Variants in RASA1 observed in about 807,000 individuals in gnomAD.
The protein encoded by RASA1 is ras GTPase-activating protein 1.
RASA1 carries 25 observed loss-of-function variants against 132.2 expected under a neutral mutation model. The ratio of observed to expected loss-of-function variants is 0.19; its 90% CI spans 0.14 to 0.26. RASA1 has a LOEUF of 0.26. Ranked by LOEUF, RASA1 falls within the 10% of genes least tolerant of loss-of-function variation. The probability of loss-of-function intolerance (pLI) is 1.00; values close to 1 mark genes in which losing one functional copy is unlikely to be tolerated. For missense variants in RASA1, 964 were observed against 1,299.2 expected (o/e 0.74, Z 3.97); for synonymous variants, 477 against 449.9 (o/e 1.06, Z -0.76).
intron 13 of RASA1, among the ~76,000 whole-genome samples, chr5:87,372,521 GATC>G (rs1341579591): frequency 1.3e-5 from 2 of 152,234 alleles, no homozygotes; most frequent in African/African-American, 2.4e-5. Context: ...ACATTGAAAA[GATC>G]ATCAGATTTA....
At chr5:87,378,898 G>A (rs1462360400) in intron 18 of RASA1, among the ~76,000 whole-genome samples, 1 of 151,982 alleles carries the variant, frequency 6.6e-6, no homozygotes, top group Non-Finnish European at 1.5e-5. Context: ...ATTACATCTT[G>A]GTTTGTTCTT....
chr5:87,307,680 T>A (rs1191489777), intron 1 of RASA1, among the ~76,000 whole-genome samples: 1 of 152,244 alleles, frequency 6.6e-6, no homozygotes, highest in Admixed American at 6.5e-5. Flanking sequence ...GGTCTGACAT[T>A]GATAATTTGT....
In RASA1 at chr5:87,386,965, C is replaced by G; in HGVS notation, c.2925+62C>G. The G allele has an allele frequency of 5.1e-6, 7 of 1,384,952 alleles. No individual in the cohort carries two copies. The South Asian group carries it at 8.4e-5, about 17-fold the overall frequency. 85.8% of individuals were successfully genotyped at this position (1,384,952 alleles called of 1,614,324 possible). On this transcript the variant is annotated intron_variant, in intron 23 of 24. Coordinates refer to ENST00000274376, the MANE Select transcript of RASA1 (RefSeq NM_002890.3). ...TCTAGTTGATATAGCTGAGTTAACC[C>G]ATTTAAGCAGCAATCTTTAGAAAGA... is the stretch of plus-strand genomic sequence containing the variant.
At chr5:87,314,992 T>C (rs545292049) in intron 1 of RASA1, among the ~76,000 whole-genome samples, 1 of 152,326 alleles carries the variant, frequency 6.6e-6, no homozygotes, top group East Asian at 1.9e-4. Flanking sequence ...TATTACACCT[T>C]TTTGAGGGCA....
chr5:87,277,949 A>G (rs1388410423), intron 1 of RASA1, among the ~76,000 whole-genome samples: 2 of 152,102 alleles, frequency 1.3e-5, no homozygotes, highest in Non-Finnish European at 2.9e-5. Flanking sequence ...GGAATATCCT[A>G]TGGATAAGCT....
At chr5:87,343,191 T>C (rs1243126482) in intron 6 of RASA1, among the ~76,000 whole-genome samples, 1 of 152,202 alleles carries the variant, frequency 6.6e-6, no homozygotes, top group African/African-American at 2.4e-5. Context: ...GTTGAATTTC[T>C]TTCCAGCTCC....
intron 8 of RASA1, among the ~76,000 whole-genome samples, chr5:87,350,466 T>C (rs781474625): frequency 6.6e-6 from 1 of 151,982 alleles, no homozygotes; most frequent in South Asian, 2.1e-4. Context: ...AATGTCCATA[T>C]TGAGATCCTT....
At chr5:87,355,532 A>C (rs1164598660) in intron 9 of RASA1, among the ~76,000 whole-genome samples, 1 of 152,122 alleles carries the variant, frequency 6.6e-6, no homozygotes, top group Non-Finnish European at 1.5e-5. Context: ...CTGACAATGC[A>C]CCTCTACAAT....
At chr5:87,388,641 G>C (rs1762235928) in intron 23 of RASA1, among the ~76,000 whole-genome samples, 1 of 152,126 alleles carries the variant, frequency 6.6e-6, no homozygotes, top group Non-Finnish European at 1.5e-5. Flanking sequence ...AACCTTATCT[G>C]AAAGTACCAT....
At chr5:87,367,318 TTTC>T (rs1359964837) in intron 11 of RASA1, among the ~76,000 whole-genome samples, 1 of 151,944 alleles carries the variant, frequency 6.6e-6, no homozygotes, top group Non-Finnish European at 1.5e-5. Flanking sequence ...TTAATATCTT[TTTC>T]TTTATTATCA....
At chr5:87,372,426 C>T (rs1327292106) in intron 13 of RASA1, among the ~76,000 whole-genome samples, 1 of 152,136 alleles carries the variant, frequency 6.6e-6, no homozygotes, top group Non-Finnish European at 1.5e-5. Flanking sequence ...TAAATAACAA[C>T]ACTAAACCAA....
chr5:87,372,780 A>G (rs952836382), intron 13 of RASA1, among the ~76,000 whole-genome samples: 6 of 152,092 alleles, frequency 3.9e-5, no homozygotes, highest in African/African-American at 1.4e-4. Context: ...AAGTTAGGCA[A>G]ATTTTGACAT....
chr5:87,378,511 G>T lies in RASA1; in HGVS notation c.2460G>T (p.Lys820Asn), dbSNP rs1483075502. Residue 820 changes from lysine (K) to asparagine (N), a missense_variant, in exon 18 of 25, where the codon AAG (lysine) becomes AAT (asparagine). By Grantham distance (94) the Lys-to-Asn change is moderately conservative. This residue lies in a region of RASA1 where 346 missense variants were observed against 520.1 expected (regional missense o/e 0.67). Coordinates refer to ENST00000274376, the MANE Select transcript of RASA1 (RefSeq NM_002890.3). Reference sequence around the variant, plus strand: ...ATGCTTTGAAAGACTCTATTTTAAAGATAATGGAAAGCAAGCAGTCTTGTG... The same window carrying T: ...ATGCTTTGAAAGACTCTATTTTAAATATAATGGAAAGCAAGCAGTCTTGTG... Reference protein sequence around the residue: ...VHHALKDSILKIMESKQSCEL... With the variant: ...VHHALKDSILNIMESKQSCEL... The T allele has an allele frequency of 6.2e-7, 1 of 1,611,664 alleles. No homozygotes were observed. Among genetic ancestry groups the T allele is most frequent in the East Asian group, 2.2e-5 (1 of 44,790 alleles).
intron 11 of RASA1, among the ~76,000 whole-genome samples, chr5:87,364,694 T>C (rs1396356438): frequency 6.6e-6 from 1 of 152,088 alleles, no homozygotes; most frequent in Non-Finnish European, 1.5e-5. Flanking sequence ...GCACCCTTCT[T>C]GTGGGTTGAA....
chr5:87,353,287 T>C (rs111468092), intron 9 of RASA1, 52 bp downstream of exon 9: 1 of 1,395,804 alleles, frequency 7.2e-7, no homozygotes. Flanking sequence ...TTAAAATGCA[T>C]TTTGGTGGTA....
chr5:87,275,797 C>T (rs1483506929), intron 1 of RASA1, among the ~76,000 whole-genome samples: 1 of 152,180 alleles, frequency 6.6e-6, no homozygotes, highest in Non-Finnish European at 1.5e-5. Context: ...TCTCGAACTC[C>T]TGACCTCGTG....
At chr5:87,363,941 A>G (rs551128180) in intron 11 of RASA1, among the ~76,000 whole-genome samples, 3 of 152,204 alleles carry the variant, frequency 2.0e-5, no homozygotes, top group South Asian at 2.1e-4. Flanking sequence ...ATGTATTTGA[A>G]ATTAAAAAAA....
In RASA1 at chr5:87,308,050, C is replaced by T. The variant is rs560961514; in HGVS notation, c.540-23298C>T. ...TGTAGCTTCACAATTCAGTAGATAT[C>T]GCTGGAGGGAAATAGTTAAGCCTGT... On this transcript the variant is annotated intron_variant, in intron 1 of 24. Transcript: ENST00000274376. Among the ~76,000 whole-genome samples the T allele has an allele frequency of 1.4e-4, 22 of 152,158 alleles. No homozygotes were observed. In the East Asian group the frequency reaches 1.7e-3, roughly 12 times the overall value.
intron 1 of RASA1, among the ~76,000 whole-genome samples, chr5:87,315,173 G>A (rs1756231153): frequency 6.6e-6 from 1 of 152,176 alleles, no homozygotes; most frequent in South Asian, 2.1e-4. Context: ...TTCAGTCTTA[G>A]TCCATTTTCT....
Sources: gnomAD v4.1 joint callset for allele counts (sites outside exome capture counted in the v4.1 genomes callset) on GRCh38, gnomAD v4.1.1 for gene constraint, gnomAD v4.1.1 regional missense constraint, MANE v1.5 for transcripts, NCBI Gene and HGNC (gene_info 2026-07-23, HGNC 2026-07-21) for gene names.